ARHGEF38: variants seen among roughly 807,000 people sequenced by gnomAD.
ARHGEF38 encodes the protein Rho guanine nucleotide exchange factor 38.
ARHGEF38 carries 79 observed loss-of-function variants against 79.9 expected under a neutral mutation model. The ratio of observed to expected loss-of-function variants is 0.99; its 90% confidence interval spans 0.82 to 1.19. ARHGEF38 has a LOEUF of 1.19. Ranked by LOEUF, ARHGEF38 falls within the 50% of genes most tolerant of loss-of-function variation. The probability of loss-of-function intolerance (pLI) is 0.00; values close to 1 mark genes in which losing one functional copy is unlikely to be tolerated. For synonymous variants in ARHGEF38, 366 were observed against 328.3 expected (o/e 1.11, Z -1.24); for missense variants, 962 against 907.2 (o/e 1.06, Z -0.78).
At chr4:105,650,441 C>A (rs944409222) in intron 7 of ARHGEF38, among the ~76,000 whole-genome samples, 4 of 152,166 alleles carry the variant, frequency 2.6e-5, no homozygotes, top group African/African-American at 9.7e-5. Flanking sequence ...CCAGTACCAG[C>A]AACTAGAGAT....
intron 10 of ARHGEF38, 42 bp from the exon 11 acceptor site, chr4:105,666,135 T>C: frequency 6.8e-7 from 1 of 1,470,876 alleles, no homozygotes; most frequent in Non-Finnish European, 9.0e-7. Context: ...GATATGATTA[T>C]CTAGGTGTCT....
intron 2 of ARHGEF38, among the ~76,000 whole-genome samples, chr4:105,594,432 C>G (rs1224727901): frequency 6.6e-6 from 1 of 152,130 alleles, no homozygotes; most frequent in Non-Finnish European, 1.5e-5. Flanking sequence ...AATCTGTAAA[C>G]CAAGCTTAGC....
rs182106955 is a variant in ARHGEF38 at position 105,616,946 on chromosome 4, A to G, written c.508+3439A>G. On this transcript the variant is annotated intron_variant, in intron 3 of 13. Transcript: ENST00000420470. ...GGTCAGACAACAGTTTTCCTAGATT[A>G]ATTACATTCATTTTTTAATTCTGAG... is the stretch of plus-strand genomic sequence containing the variant. Among the ~76,000 whole-genome samples, 7 of 152,348 alleles carry G rather than the reference A, an allele frequency of 4.6e-5. No homozygotes were observed. In the East Asian group the frequency reaches 1.2e-3, roughly 25 times the overall value.
intron 13 of ARHGEF38, among the ~76,000 whole-genome samples, chr4:105,669,235 C>A (rs1730876477): frequency 6.6e-6 from 1 of 152,032 alleles, no homozygotes; most frequent in East Asian, 1.9e-4. Flanking sequence ...ATCTTAGACA[C>A]AATTAAACCT....
intron 6 of ARHGEF38, among the ~76,000 whole-genome samples, chr4:105,646,088 AT>A (rs2110541685): frequency 6.6e-6 from 1 of 152,314 alleles, no homozygotes; most frequent in Admixed American, 6.5e-5. Context: ...TTGTACTGCT[AT>A]TATTAAATCT....
At chr4:105,673,105 C>T (rs548305276) in intron 13 of ARHGEF38, among the ~76,000 whole-genome samples, 94 of 152,134 alleles carry the variant, frequency 6.2e-4, no homozygotes, top group Non-Finnish European at 1.2e-3. Flanking sequence ...AGCACCTCTG[C>T]AGAATCTCTT....
chr4:105,678,064 G>C lies in ARHGEF38; in HGVS notation c.*127G>C. ...ACTACAGAAACTGATACTGTACTGG[G>C]TTTTCAGGAATACTGTACTTCCTAA... On this transcript the variant is annotated 3_prime_UTR_variant, in exon 14 of 14. Coordinates refer to ENST00000420470, the MANE Select transcript of ARHGEF38 (RefSeq NM_001242729.2). 1 of 697,540 alleles carries C rather than the reference G, an allele frequency of 1.4e-6. No individual in the cohort carries two copies. Among genetic ancestry groups the C allele is most frequent in the Non-Finnish European group, 2.2e-6 (1 of 456,176 alleles). 43.2% of individuals were successfully genotyped at this position (697,540 alleles called of 1,614,324 possible).
chr4:105,659,184 C>T lies in ARHGEF38; in HGVS notation c.1364C>T (p.Thr455Met), dbSNP rs1335010586. 1.0e-5 allele frequency: 16 copies of T among 1,536,012 alleles called. No individual in the cohort carries two copies. In the East Asian group the frequency reaches 2.0e-4, roughly 19 times the overall value. ...TGCAACAGCTACCTGCAGCGATCAA[C>T]GGGAGAGGAGTCAGACTTGGCCAAA... is the stretch of plus-strand genomic sequence containing the variant. ...LDCNSYLQRS[T>M]GEESDLAKKE... The change falls in exon 10 of 14, where the codon ACG (threonine) becomes ATG (methionine). Residue 455 changes from threonine to methionine, a missense_variant. Physicochemically the swap from Thr to Met is moderately conservative, Grantham distance 81 (BLOSUM62 -1). Transcript: ENST00000420470.
intron 7 of ARHGEF38, among the ~76,000 whole-genome samples, chr4:105,653,503 A>G (rs1248632158): frequency 6.6e-6 from 1 of 152,040 alleles, no homozygotes; most frequent in Non-Finnish European, 1.5e-5. Context: ...ATGTATGTTT[A>G]GTAGATACGG....
At chr4:105,626,938 C>T (rs980652666) in intron 3 of ARHGEF38, among the ~76,000 whole-genome samples, 1 of 151,822 alleles carries the variant, frequency 6.6e-6, no homozygotes, top group Non-Finnish European at 1.5e-5. Context: ...ACACCTATCT[C>T]CTTGCTTTTT....
At chr4:105,612,790 T>C (rs1358599067) in intron 2 of ARHGEF38, among the ~76,000 whole-genome samples, 2 of 152,124 alleles carry the variant, frequency 1.3e-5, no homozygotes, top group Non-Finnish European at 2.9e-5. Context: ...TAAATTATTA[T>C]AAACACTTGC....
At chr4:105,606,278 A>G (rs1185557800) in intron 2 of ARHGEF38, among the ~76,000 whole-genome samples, 1 of 152,112 alleles carries the variant, frequency 6.6e-6, no homozygotes, top group Non-Finnish European at 1.5e-5. Context: ...TTTCCAGAGG[A>G]TGATTTGGTT....
In ARHGEF38 at chr4:105,679,721, T is replaced by C. The variant is rs1231604651; in HGVS notation, c.*1784T>C. ...ACACATTTAAAAGTAATTTGTGTTTTTTGTTCCACATGTCTTAGTTGACCT... is the reference window on the plus strand; with the variant it reads ...ACACATTTAAAAGTAATTTGTGTTTCTTGTTCCACATGTCTTAGTTGACCT... On this transcript the variant is annotated 3_prime_UTR_variant, in exon 14 of 14. Transcript: ENST00000420470. 9 of 817,082 alleles carry C rather than the reference T, an allele frequency of 1.1e-5. No individual in the cohort carries two copies. Among genetic ancestry groups the C allele is most frequent in the Non-Finnish European group, 1.7e-5 (8 of 462,324 alleles). 50.6% of individuals were successfully genotyped at this position (817,082 alleles called of 1,614,324 possible).
At chr4:105,597,511 C>T (rs935594628) in intron 2 of ARHGEF38, among the ~76,000 whole-genome samples, 2 of 152,170 alleles carry the variant, frequency 1.3e-5, no homozygotes, top group East Asian at 1.9e-4. Flanking sequence ...CTGTTCACTT[C>T]CAGAATTTTC....
intron 5 of ARHGEF38, among the ~76,000 whole-genome samples, chr4:105,643,931 G>A (rs887520929): frequency 2.2e-5 from 3 of 138,008 alleles, no homozygotes; most frequent in African/African-American, 8.5e-5. Flanking sequence ...AGGCTGGAGT[G>A]CAGCGGCTCA....
At chr4:105,587,067 T>C (rs915972604) in intron 1 of ARHGEF38, among the ~76,000 whole-genome samples, 1 of 152,212 alleles carries the variant, frequency 6.6e-6, no homozygotes, top group Non-Finnish European at 1.5e-5. Context: ...CCAAAATAAT[T>C]CATTGTAATG....
intron 1 of ARHGEF38, among the ~76,000 whole-genome samples, chr4:105,582,592 A>T (rs1230133480): frequency 6.6e-6 from 1 of 152,138 alleles, no homozygotes; most frequent in Non-Finnish European, 1.5e-5. Context: ...ATTTCATGGT[A>T]GTTGTGGTTC....
intron 2 of ARHGEF38, among the ~76,000 whole-genome samples, chr4:105,600,689 A>G (rs11721842): frequency 0.12 from 17,687 of 152,156 alleles, 1,104 homozygotes; most frequent in Middle Eastern, 0.2. Context: ...ATCTCTACTT[A>G]ATTGTCTACA....
At chr4:105,654,289 TCA>T (rs1730234540) in intron 8 of ARHGEF38, 120 bp downstream of exon 8, 1 of 582,000 alleles carries the variant, frequency 1.7e-6, no homozygotes, top group African/African-American at 1.9e-5. Flanking sequence ...TGACACCGGA[TCA>T]AAATTGGAAG....
Sources: allele counts gnomAD v4.1 joint callset (sites outside exome capture counted in the v4.1 genomes callset), GRCh38; gene constraint gnomAD v4.1.1; transcripts MANE v1.5; gene names NCBI Gene and HGNC (gene_info 2026-07-23, HGNC 2026-07-21).